The following TRPM3 variants were observed in gnomAD, a reference collection of about 807,000 sequenced individuals.
TRPM3 encodes the protein transient receptor potential cation channel subfamily M member 3, also known as long transient receptor potential channel 3.
Under a neutral mutation model 181.2 loss-of-function variants are expected in TRPM3, and 77 were observed. The ratio of observed to expected loss-of-function variants is 0.42; its 90% CI spans 0.35 to 0.51. The LOEUF (loss-of-function observed/expected upper bound fraction) is 0.51. TRPM3 is among the 20% of genes least tolerant of loss of function. The pLI, the probability that TRPM3 is intolerant of heterozygous loss-of-function variation, is 0.01. For synonymous variants in TRPM3, 745 were observed against 796.4 expected, an observed-to-expected ratio of 0.94 and a Z score of 1.09; for missense variants, 1,759 against 2,196.7, an observed-to-expected ratio of 0.80 and a Z score of 3.98.
intron 1 of TRPM3, among the ~76,000 whole-genome samples, chr9:71,192,244 A>G (rs1332598576): frequency 6.6e-6 from 1 of 151,874 alleles, no homozygotes; most frequent in Non-Finnish European, 1.5e-5. Flanking sequence ...AATCAATTAA[A>G]GAATCTAAGC....
rs765546837 is a variant in TRPM3, at chr9:71,338,076, T to TACA, written c.183+108574_183+108576dup. On this transcript the variant is annotated intron_variant, in intron 1 of 24. Transcript: ENST00000357533. Reference sequence around the variant, plus strand: ...TGCACATGTACCTCAGAACTTAAAGTACAACAACAACAACAGAAAAAAAAA... The same window carrying TACA: ...TGCACATGTACCTCAGAACTTAAAGTACAACAACAACAACAACAGAAAAAAAAA... Among the ~76,000 whole-genome samples, 6 of 148,194 alleles carry TACA rather than the reference T, an allele frequency of 4.0e-5. No homozygotes were observed. The South Asian group carries it at 1.1e-3, about 27-fold the overall frequency.
chr9:70,856,545 G>A (rs983966430), intron 3 of TRPM3, among the ~76,000 whole-genome samples: 1 of 152,146 alleles, frequency 6.6e-6, no homozygotes, highest in African/African-American at 2.4e-5. Flanking sequence ...AGGATATTAA[G>A]AGCATAAGCT....
At chr9:71,155,462 G>A (rs967402446) in intron 1 of TRPM3, among the ~76,000 whole-genome samples, 4 of 111,018 alleles carry the variant, frequency 3.6e-5, no homozygotes, top group African/African-American at 1.3e-4. Flanking sequence ...GAGATTACAG[G>A]CATGCACCAC....
intron 1 of TRPM3, among the ~76,000 whole-genome samples, chr9:71,138,641 A>C (rs1049078926): frequency 5.9e-5 from 9 of 152,122 alleles, no homozygotes; most frequent in Non-Finnish European, 1.5e-5. Context: ...TTATATTTCA[A>C]TATGGTTGTT....
intron 9 of TRPM3, among the ~76,000 whole-genome samples, chr9:70,673,317 T>A (rs892499071): frequency 6.6e-6 from 1 of 151,742 alleles, no homozygotes; most frequent in South Asian, 2.1e-4. Context: ...ATGATTTGAA[T>A]AAAGGGGTAA....
chr9:70,615,929 C>G lies in TRPM3; in HGVS notation c.2505G>C (p.Glu835Asp). ...TTACTGTGAGCTCCATGTCCTCTTC[C>G]TCTTTTTCCTTTGTGGGCTTCTCTG... is the stretch of plus-strand genomic sequence containing the variant. ...EEPEKPTKEK[E>D]EEDMELTAML... is the part of the protein sequence containing the mutation. Residue 835 changes from glutamate (E) to aspartate (D), a missense_variant, in exon 18 of 26, where the codon GAG becomes GAC. By Grantham distance (45) the Glu-to-Asp change is conservative. This residue lies in a region of TRPM3 where 114 missense variants were observed against 134.8 expected (regional missense o/e 0.85). Transcript: ENST00000677713. 1 of 1,606,654 alleles carries G rather than the reference C, an allele frequency of 6.2e-7. No homozygotes were observed.
At chr9:71,261,251 G>A (rs1327093242) in intron 1 of TRPM3, among the ~76,000 whole-genome samples, 2 of 151,990 alleles carry the variant, frequency 1.3e-5, no homozygotes, top group African/African-American at 4.8e-5. Flanking sequence ...ATTTCATTAA[G>A]TTGATCTTCA....
chr9:70,659,749 AT>A (rs1243577362), intron 9 of TRPM3, among the ~76,000 whole-genome samples: 3 of 152,092 alleles, frequency 2.0e-5, no homozygotes, highest in African/African-American at 7.2e-5. Flanking sequence ...TAATGTTAAT[AT>A]TTTTTCCTTT....
chr9:71,390,134 T>C (rs189523286), intron 1 of TRPM3, among the ~76,000 whole-genome samples: 2 of 152,084 alleles, frequency 1.3e-5, no homozygotes, highest in African/African-American at 2.4e-5. Context: ...ATAGATAAGA[T>C]AGATGGATAG....
In TRPM3 at chr9:71,421,618, T is replaced by C. The variant is rs138070122; in HGVS notation, c.183+25035A>G. 9.1e-3 allele frequency among the ~76,000 whole-genome samples: 1,379 copies of C among 151,994 alleles called. 11 individuals carry two copies. Among genetic ancestry groups the C allele is most frequent in the Non-Finnish European group, 0.014 (936 of 67,902 alleles). On this transcript the variant is annotated intron_variant, in intron 1 of 24. Coordinates refer to the TRPM3 transcript ENST00000357533. ...CAGTCATATGTCACTTAATAAGAAA[T>C]GCATCATTTTGTCCTAGTGCAGACA...
intron 1 of TRPM3, among the ~76,000 whole-genome samples, chr9:71,184,443 C>T (rs1010042977): frequency 1.3e-5 from 2 of 152,028 alleles, no homozygotes; most frequent in Non-Finnish European, 2.9e-5. Flanking sequence ...TTATTTTCTC[C>T]TTTTGTGTTC....
At chr9:70,988,705 C>T (rs1309511556) in intron 1 of TRPM3, among the ~76,000 whole-genome samples, 1 of 152,046 alleles carries the variant, frequency 6.6e-6, no homozygotes, top group East Asian at 1.9e-4. Context: ...CACATGAGCC[C>T]CGTAAAAGTA....
At chr9:71,119,872 C>T (rs2073235058) in intron 1 of TRPM3, among the ~76,000 whole-genome samples, 1 of 152,180 alleles carries the variant, frequency 6.6e-6, no homozygotes, top group African/African-American at 2.4e-5. Context: ...GTCTCTTCTA[C>T]TACCCATACC....
chr9:70,916,477 A>G (rs1424505634), intron 1 of TRPM3, among the ~76,000 whole-genome samples: 5 of 152,142 alleles, frequency 3.3e-5, no homozygotes, highest in Non-Finnish European at 7.3e-5. Context: ...TAGAAACAAC[A>G]AAAAGTTAAA....
rs778109448 is a variant in TRPM3 at position 70,618,858 on chromosome 9, C to T, written c.2358+9G>A. On this transcript the variant is annotated intron_variant, in intron 17 of 25. Coordinates refer to ENST00000677713, the MANE Select transcript of TRPM3 (RefSeq NM_001366145.2). Reference sequence around the variant, plus strand: ...TCATAGCCAGGAGGGCCTTATTGGGCGCCCTGACCTTGAGGCCTGAGTTCT... The same window carrying T: ...TCATAGCCAGGAGGGCCTTATTGGGTGCCCTGACCTTGAGGCCTGAGTTCT... The T allele has an allele frequency of 1.7e-5, 27 of 1,602,284 alleles. No homozygotes were observed. Among genetic ancestry groups the T allele is most frequent in the Admixed American group, 6.7e-5 (4 of 59,872 alleles).
intron 1 of TRPM3, among the ~76,000 whole-genome samples, chr9:71,285,530 C>CCGTT (rs1369612559): frequency 1.3e-5 from 2 of 152,124 alleles, no homozygotes; most frequent in African/African-American, 2.4e-5. Flanking sequence ...GGCTGCCGAT[C>CCGTT]CGTTCACTTG....
At chr9:70,596,719 A>G (rs2132627309) in intron 21 of TRPM3, among the ~76,000 whole-genome samples, 1 of 152,162 alleles carries the variant, frequency 6.6e-6, no homozygotes, top group East Asian at 1.9e-4. Flanking sequence ...TGTCAAAAAA[A>G]AAAAAAAAAG....
chr9:71,262,809 G>A (rs141282061), intron 1 of TRPM3, among the ~76,000 whole-genome samples: 34 of 152,224 alleles, frequency 2.2e-4, no homozygotes, highest in African/African-American at 7.5e-4. Flanking sequence ...GTGAGGCAAC[G>A]CCCCAGCCTG....
At chr9:71,043,916 C>T (rs2059121232) in intron 1 of TRPM3, among the ~76,000 whole-genome samples, 2 of 152,118 alleles carry the variant, frequency 1.3e-5, no homozygotes, top group Admixed American at 6.5e-5. Flanking sequence ...AGACCTGATC[C>T]TTTTTCATCT....
Sources: gnomAD v4.1 joint callset for allele counts (sites outside exome capture counted in the v4.1 genomes callset) on GRCh38, gnomAD v4.1.1 for gene constraint, gnomAD v4.1.1 regional missense constraint, MANE v1.5 for transcripts, NCBI Gene and HGNC (gene_info 2026-07-23, HGNC 2026-07-21) for gene names.